DYNC2LI1: variants seen among roughly 807,000 people sequenced by gnomAD.
DYNC2LI1 encodes the protein dynein cytoplasmic 2 light intermediate chain 1.
Under a neutral mutation model 51.9 loss-of-function variants are expected in DYNC2LI1, and 45 were observed. The ratio of observed to expected loss-of-function variants is 0.87; its 90% CI spans 0.68 to 1.11. The LOEUF (loss-of-function observed/expected upper bound fraction) is 1.11, where lower values mean the gene tolerates loss of function less well. DYNC2LI1 is among the 50% of genes most tolerant of loss of function. DYNC2LI1 has a pLI of 0.00. For synonymous variants in DYNC2LI1, 130 were observed against 137.8 expected (o/e 0.94, Z 0.40); for missense variants, 490 against 417.4 (o/e 1.17, Z -1.51).
chr2:43,794,490 A>C lies in DYNC2LI1; in HGVS notation c.354A>C (p.Ser118=). ...TFSLVLVLDL[S]KPNDLWPTME... ...CTCTTGTTCTCGTTCTGGATCTTTC[A>C]AAACCTAATGATCTCTGGCCCACCA... Residue 118 remains serine, a synonymous_variant, in exon 6 of 13, where the codon TCA becomes TCC. Transcript: ENST00000260605. 6.2e-7 allele frequency: 1 copy of C among 1,613,844 alleles called. No homozygotes were observed. Among genetic ancestry groups the C allele is most frequent in the Non-Finnish European group, 8.5e-7 (1 of 1,179,892 alleles).
chr2:43,824,927 T>C, the DYNC2LI1 span: 7 of 1,614,088 alleles, frequency 4.3e-6, no homozygotes, highest in South Asian at 7.7e-5. Flanking sequence ...AGGACAAGGG[T>C]AACCGCAGTC....
At chr2:43,784,948 A>G (rs1253280144) in intron 3 of DYNC2LI1, among the ~76,000 whole-genome samples, 1 of 152,214 alleles carries the variant, frequency 6.6e-6, no homozygotes, top group East Asian at 1.9e-4. Context: ...TATTCAATAA[A>G]CATAATTATG....
At chr2:43,824,667 G>A in the DYNC2LI1 span, 16 of 979,256 alleles carry the variant, frequency 1.6e-5, no homozygotes, top group Non-Finnish European at 1.9e-5. Context: ...CTCTGATAAA[G>A]TAGTAGCAGT....
intron 5 of DYNC2LI1, among the ~76,000 whole-genome samples, chr2:43,790,671 A>G (rs998132754): frequency 1.3e-5 from 2 of 152,334 alleles, no homozygotes; most frequent in East Asian, 3.9e-4. Flanking sequence ...GAATCACATT[A>G]AAAAATAACC....
chr2:43,819,736 A>T, the DYNC2LI1 span, among the ~76,000 whole-genome samples: 1 of 152,212 alleles, frequency 6.6e-6, no homozygotes, highest in East Asian at 1.9e-4. Context: ...CATTTTATTG[A>T]ACAAATGAAC....
downstream of DYNC2LI1, among the ~76,000 whole-genome samples, chr2:43,811,056 C>G (rs1666463697): frequency 6.6e-6 from 1 of 152,146 alleles, no homozygotes; most frequent in Admixed American, 6.5e-5. Flanking sequence ...TGTTTCTGAG[C>G]TAGAATGAAA....
rs1450674242 is a variant in DYNC2LI1 at position 43,783,527 on chromosome 2, C to T, written c.134C>T (p.Thr45Ile). The T allele has an allele frequency of 1.3e-6, 2 of 1,531,544 alleles. No individual in the cohort carries two copies. The highest frequency in any genetic ancestry group is 1.4e-5 in the African/African-American group (1 of 69,462). The allele number at this position is 1,531,544 out of a possible 1,614,324, so 94.9% of individuals were successfully genotyped here. A position where few individuals can be genotyped will look rare whatever the true frequency, so the allele number is the denominator to read the frequency against. ...TTCTTTTTTAATTTCCAGGGAAAGA[C>T]TACTATTATTCTAAGGTGTCTTGAC... ...FFIGSKNGGK[T>I]TIILRCLDRD... is the part of the protein sequence containing the mutation. The change falls in exon 3 of 13, where the codon ACT becomes ATT. Residue 45 changes from threonine to isoleucine, a missense_variant. Thr to Ile is a moderately conservative substitution (Grantham distance 89). Coordinates refer to ENST00000260605, the MANE Select transcript of DYNC2LI1 (RefSeq NM_016008.4).
chr2:43,794,277 TATTG>T, intron 5 of DYNC2LI1, 176 bp from the exon 6 acceptor site: 1 of 575,206 alleles, frequency 1.7e-6, no homozygotes, highest in Non-Finnish European at 3.0e-6. Context: ...TAGAGGAAAG[TATTG>T]GAATAAATAA....
At chr2:43,775,810 C>A in intron 1 of DYNC2LI1, 1 of 264,682 alleles carries the variant, frequency 3.8e-6, no homozygotes, top group Non-Finnish European at 7.3e-6. Context: ...GCCTCAGCCT[C>A]CTGAGTAGCT....
In DYNC2LI1 at chr2:43,785,905, G is replaced by A. The variant is rs1349891677; in HGVS notation, c.162-1276G>A. 2.6e-5 allele frequency among the ~76,000 whole-genome samples: 4 copies of A among 151,732 alleles called. No individual in the cohort carries two copies. The East Asian group carries it at 5.8e-4, about 22-fold the overall frequency. On this transcript the variant is annotated intron_variant, in intron 3 of 12. Transcript: ENST00000260605. ...TTCTGAATATTAGTTACATAACAACGTGAATAAATTTAATACTACTGAATT... is the reference window on the plus strand; with the variant it reads ...TTCTGAATATTAGTTACATAACAACATGAATAAATTTAATACTACTGAATT...
At chr2:43,776,344 A>C (rs1489460813) in intron 1 of DYNC2LI1, among the ~76,000 whole-genome samples, 2 of 152,174 alleles carry the variant, frequency 1.3e-5, no homozygotes, top group East Asian at 3.9e-4. Context: ...TCTAAAACAC[A>C]AAAAAGAAAT....
At chr2:43,777,625 G>A (rs1200314322) in intron 2 of DYNC2LI1, among the ~76,000 whole-genome samples, 1 of 152,194 alleles carries the variant, frequency 6.6e-6, no homozygotes, top group Non-Finnish European at 1.5e-5. Flanking sequence ...CACTTTCTGT[G>A]CTCCATGCTT....
chr2:43,774,263 A>G (rs2104649118), intron 1 of DYNC2LI1, 117 bp downstream of exon 1: 2 of 1,387,414 alleles, frequency 1.4e-6, no homozygotes, highest in East Asian at 5.0e-5. Context: ...CCACCAGGAT[A>G]TGCAGGGTCG....
the DYNC2LI1 span, among the ~76,000 whole-genome samples, chr2:43,827,499 T>C: frequency 1.3e-5 from 2 of 152,158 alleles, no homozygotes; most frequent in African/African-American, 4.8e-5. Flanking sequence ...CCCCAGGTGA[T>C]GGGGAAAATG....
chr2:43,817,223 G>A, the DYNC2LI1 span, among the ~76,000 whole-genome samples: 5 of 152,302 alleles, frequency 3.3e-5, no homozygotes, highest in South Asian at 2.1e-4. Context: ...AGTGGCTCAC[G>A]CCTGTAATCC....
intron 8 of DYNC2LI1, among the ~76,000 whole-genome samples, chr2:43,797,515 C>CTTT (rs557695536): frequency 1.1e-3 from 117 of 110,686 alleles, no homozygotes; most frequent in Non-Finnish European, 1.1e-3. Context: ...AATATAACAA[C>CTTT]TTTTTTTTTT....
At chr2:43,823,806 T>G in the DYNC2LI1 span, 4 of 1,341,336 alleles carry the variant, frequency 3.0e-6, no homozygotes, top group East Asian at 5.0e-5. Flanking sequence ...AGGGCTGGGT[T>G]TAGCTCAGAG....
chr2:43,809,473 T>C (rs1666401881), intron 12 of DYNC2LI1, among the ~76,000 whole-genome samples: 1 of 152,246 alleles, frequency 6.6e-6, no homozygotes, highest in African/African-American at 2.4e-5. Context: ...TCTGAAAGTT[T>C]AATAAATTCA....
intron 6 of DYNC2LI1, chr2:43,795,138 C>T (rs1384547291): frequency 2.0e-6 from 2 of 992,226 alleles, no homozygotes; most frequent in African/African-American, 3.5e-5. Flanking sequence ...GATGGTAACA[C>T]AAGTTCTTCA....
Sources: allele counts gnomAD v4.1 joint callset (sites outside exome capture counted in the v4.1 genomes callset), GRCh38; gene constraint gnomAD v4.1.1; transcripts MANE v1.5; gene names NCBI Gene and HGNC (gene_info 2026-07-23, HGNC 2026-07-21).